Variants in ZSCAN25 observed in about 807,000 individuals in gnomAD.
ZSCAN25 encodes the protein zinc finger and SCAN domain containing 25.
In ZSCAN25, 27 loss-of-function variants were observed where a neutral mutation model predicts 38.7. The observed-to-expected ratio is 0.70, with a 90% CI of 0.51 to 0.96. The LOEUF is 0.96. Ranked by LOEUF, ZSCAN25 falls within the 40% of genes least tolerant of loss-of-function variation. ZSCAN25 has a pLI of 0.00. For synonymous variants in ZSCAN25, 273 were observed against 277.7 expected (o/e 0.98, Z 0.17); for missense variants, 637 against 705.9 (o/e 0.90, Z 1.11).
At chr7:99,628,489 G>A (rs185931644) in intron 7 of ZSCAN25, among the ~76,000 whole-genome samples, 36 of 152,328 alleles carry the variant, frequency 2.4e-4, no homozygotes, top group Admixed American at 1.1e-3. Flanking sequence ...GAGGATGAAG[G>A]AAGGGTGAAG....
chr7:99,662,118 G>T, the ZSCAN25 span, among the ~76,000 whole-genome samples: 1 of 152,356 alleles, frequency 6.6e-6, no homozygotes, highest in East Asian at 1.9e-4. This position sits in a 1 kb window ranked among gnomAD's most constrained non-coding sequence, Gnocchi z 4.3. Context: ...TGTAGACATG[G>T]ACATGTTTAA....
chr7:99,672,627 T>G, the ZSCAN25 span: 1 of 1,614,200 alleles, frequency 6.2e-7, no homozygotes, highest in Non-Finnish European at 8.5e-7. Flanking sequence ...AGCACTGTTC[T>G]GATCACGTCG....
the ZSCAN25 span, among the ~76,000 whole-genome samples, chr7:99,711,123 G>A: frequency 5.3e-5 from 8 of 152,196 alleles, no homozygotes; most frequent in East Asian, 3.9e-4. Flanking sequence ...TAGACCATCC[G>A]CTCCTCCTCG....
chr7:99,720,485 A>T, the ZSCAN25 span: 3 of 1,548,954 alleles, frequency 1.9e-6, no homozygotes, highest in Non-Finnish European at 2.7e-6. Context: ...CCAGGAAGCC[A>T]GACTTTGATC....
the ZSCAN25 span, chr7:99,663,758 C>T: frequency 8.2e-7 from 1 of 1,222,630 alleles, no homozygotes; most frequent in Non-Finnish European, 1.0e-6. Flanking sequence ...AATTGTTGTG[C>T]CTGATTTCAA....
At position 99,629,918 on chromosome 7, in the gene ZSCAN25, GA is replaced by G; in HGVS notation, c.1535del (p.Lys512SerfsTer99). ...GACACCAGAGAATCCATACAGGGGA[GA>G]AGCCCTACCACTGTCCTGCCTGCGG... ...VRHQRIHTGE[K>X]PYHCPACGRS... On this transcript the variant is annotated frameshift_variant, in exon 8 of 8. Transcript: ENST00000394152. LOFTEE classifies it high-confidence loss of function. The surrounding 1 kb of genome is among the most constrained non-coding windows in gnomAD (Gnocchi z 5.6). The G allele has an allele frequency of 6.2e-7, 1 of 1,614,200 alleles. No individual in the cohort carries two copies. Among genetic ancestry groups the G allele is most frequent in the Non-Finnish European group, 8.5e-7 (1 of 1,180,024 alleles).
the ZSCAN25 span, among the ~76,000 whole-genome samples, chr7:99,673,102 G>A: frequency 1.2e-4 from 19 of 152,194 alleles, no homozygotes; most frequent in African/African-American, 3.9e-4. Flanking sequence ...AAATCATCAA[G>A]TGCTCACAAG....
At chr7:99,636,108 G>T (rs1808274348), downstream of ZSCAN25, among the ~76,000 whole-genome samples, 1 of 151,328 alleles carries the variant, frequency 6.6e-6, no homozygotes, top group African/African-American at 2.4e-5. Flanking sequence ...TCCGGTTTAG[G>T]CATTTATACC....
chr7:99,726,070 C>A, the ZSCAN25 span, among the ~76,000 whole-genome samples: 1 of 152,160 alleles, frequency 6.6e-6, no homozygotes, highest in African/African-American at 2.4e-5. Flanking sequence ...TCTGACTATT[C>A]CTGGACTACA....
chr7:99,668,793 G>A, the ZSCAN25 span, among the ~76,000 whole-genome samples: 1 of 152,226 alleles, frequency 6.6e-6, no homozygotes, highest in South Asian at 2.1e-4. Flanking sequence ...TTGTACGCAT[G>A]TGTGGCTTCA....
chr7:99,621,503 G>C lies in ZSCAN25; in HGVS notation c.518G>C (p.Gly173Ala). Reference sequence around the variant, plus strand: ...ATGCCCCCTGGGGAAGGAGTTCAAGGTCCAGACCCAGGTACCGAGGAGCAG... The same window carrying C: ...ATGCCCCCTGGGGAAGGAGTTCAAGCTCCAGACCCAGGTACCGAGGAGCAG... ...WGMPPGEGVQGPDPGTEEQLS... is the reference protein window; with the variant it reads ...WGMPPGEGVQAPDPGTEEQLS... The change falls in exon 5 of 8, where the codon GGT becomes GCT. Residue 173 changes from glycine (G) to alanine (A), a missense_variant. Physicochemically the swap from Gly to Ala is moderately conservative, Grantham distance 60. Transcript: ENST00000394152. The C allele has an allele frequency of 6.3e-7, 1 of 1,576,504 alleles. No homozygotes were observed. The highest frequency in any genetic ancestry group is 8.6e-7 in the Non-Finnish European group (1 of 1,156,536).
chr7:99,736,390 C>T, the ZSCAN25 span, among the ~76,000 whole-genome samples: 1 of 152,124 alleles, frequency 6.6e-6, no homozygotes, highest in African/African-American at 2.4e-5. Context: ...TCCTTTTTGA[C>T]AAGTGGAGGA....
At chr7:99,717,710 T>C in the ZSCAN25 span, 1 of 1,551,094 alleles carries the variant, frequency 6.4e-7, no homozygotes, top group Non-Finnish European at 8.8e-7. Flanking sequence ...GAAAATGTGT[T>C]AAACAGGCAT....
chr7:99,699,622 C>T, the ZSCAN25 span, among the ~76,000 whole-genome samples: 2 of 152,144 alleles, frequency 1.3e-5, no homozygotes, highest in South Asian at 4.1e-4. Flanking sequence ...ATGAGGATCA[C>T]ACTTCTCGTC....
chr7:99,706,336 C>T, the ZSCAN25 span, among the ~76,000 whole-genome samples: 2 of 152,294 alleles, frequency 1.3e-5, no homozygotes, highest in East Asian at 1.9e-4. Context: ...CAAGGGAGTA[C>T]CTTCCCCATC....
the ZSCAN25 span, among the ~76,000 whole-genome samples, chr7:99,678,376 T>G: frequency 6.6e-6 from 1 of 152,216 alleles, no homozygotes; most frequent in East Asian, 1.9e-4. Flanking sequence ...CTGGAAGCCT[T>G]TGCTATCGTC....
chr7:99,728,732 G>A, the ZSCAN25 span, among the ~76,000 whole-genome samples: 2 of 152,190 alleles, frequency 1.3e-5, no homozygotes, highest in Non-Finnish European at 2.9e-5. Flanking sequence ...ACAAAAATGA[G>A]TTATTCCTCT....
chr7:99,686,833 A>C, the ZSCAN25 span, among the ~76,000 whole-genome samples: 1 of 152,162 alleles, frequency 6.6e-6, no homozygotes, highest in Non-Finnish European at 1.5e-5. Context: ...ACGATCAGGC[A>C]GCAGCATTTG....
the ZSCAN25 span, among the ~76,000 whole-genome samples, chr7:99,647,019 A>G: frequency 6.6e-6 from 1 of 152,150 alleles, no homozygotes; most frequent in South Asian, 2.1e-4. Flanking sequence ...TTCTGAATCT[A>G]TGACTCTTTT....
Sources: allele counts gnomAD v4.1 joint callset (sites outside exome capture counted in the v4.1 genomes callset), GRCh38; gene constraint gnomAD v4.1.1; non-coding constraint Gnocchi (gnomAD v3.1); transcripts MANE v1.5; gene names NCBI Gene and HGNC (gene_info 2026-07-23, HGNC 2026-07-21).